The following ZNF483 variants were observed in gnomAD, a reference collection of about 807,000 sequenced individuals.
ZNF483 encodes zinc finger protein HIT-10.
Under a neutral mutation model 28.6 loss-of-function variants are expected in ZNF483, and 9 were observed. The observed-to-expected ratio is 0.32, with a 90% CI of 0.19 to 0.55. The LOEUF is 0.55. Among genes scored for constraint, ZNF483 ranks in the 20% least tolerant of loss-of-function variants. ZNF483 has a pLI of 0.93. For synonymous variants in ZNF483, 322 were observed against 306.2 expected (o/e 1.05, Z -0.54); for missense variants, 675 against 871.7 (o/e 0.77, Z 2.84).
In ZNF483 at chr9:111,532,930, A is replaced by G. The variant is rs1827386794; in HGVS notation, c.502-809A>G. Among the ~76,000 whole-genome samples the G allele has an allele frequency of 3.3e-5, 5 of 152,228 alleles. No individual in the cohort carries two copies. The South Asian group carries it at 1.0e-3, about 32-fold the overall frequency. ...TCTCAAAAAAAAAAAAAGAAAAAAAAGGAAAGTGTATTTTAGTGAGTCAGT... is the reference window on the plus strand; with the variant it reads ...TCTCAAAAAAAAAAAAAGAAAAAAAGGGAAAGTGTATTTTAGTGAGTCAGT... On this transcript the variant is annotated intron_variant, in intron 3 of 5. Transcript: ENST00000309235.
At chr9:111,555,848 T>C (rs1828106367), downstream of ZNF483, among the ~76,000 whole-genome samples, 1 of 152,206 alleles carries the variant, frequency 6.6e-6, no homozygotes, top group Admixed American at 6.5e-5. Context: ...AGCCAAACTA[T>C]ATCATTCCAC....
intron 5 of ZNF483, among the ~76,000 whole-genome samples, chr9:111,535,651 C>G (rs1241777907): frequency 6.6e-6 from 1 of 152,054 alleles, no homozygotes; most frequent in South Asian, 2.1e-4. Context: ...TCAAGTGATT[C>G]TCTTGCCTCG....
chr9:111,540,335 AT>A (rs1285997808), intron 5 of ZNF483, among the ~76,000 whole-genome samples: 2 of 152,138 alleles, frequency 1.3e-5, no homozygotes, highest in African/African-American at 4.8e-5. Flanking sequence ...ATTTTGAGTA[AT>A]TTTGTATTTT....
chr9:111,527,833 A>G (rs1564589691), intron 2 of ZNF483, 26 bp downstream of exon 2: 2 of 1,614,126 alleles, frequency 1.2e-6, no homozygotes, highest in Non-Finnish European at 8.5e-7. Flanking sequence ...GGAGGGAGGA[A>G]GCGGGAGACA....
downstream of ZNF483, among the ~76,000 whole-genome samples, chr9:111,558,330 G>A (rs905431978): frequency 1.3e-5 from 2 of 152,076 alleles, no homozygotes; most frequent in Non-Finnish European, 2.9e-5. Flanking sequence ...CAAATTGGCT[G>A]TGTTCTTTCA....
rs11367090 is a variant in ZNF483 at position 111,539,112 on chromosome 9, CAAAAAAAAA to C, written c.722-2527_722-2519del. Among the ~76,000 whole-genome samples, 9 of 64,908 alleles carry C rather than the reference CAAAAAAAAA, an allele frequency of 1.4e-4. No individual in the cohort carries two copies. In the East Asian group the frequency reaches 3.5e-3, roughly 25 times the overall value. The allele number at this position is 64,908 out of a possible 152,430, so 42.6% of individuals were successfully genotyped here. A position where few individuals can be genotyped will look rare whatever the true frequency, so the allele number is the denominator to read the frequency against. On this transcript the variant is annotated intron_variant, in intron 5 of 5. Coordinates refer to ENST00000309235, the MANE Select transcript of ZNF483 (RefSeq NM_133464.5). ...TGGGTGACAGAGCGAGACTCCGTCTCAAAAAAAAAAAAAAAAAAAAAAAAAACCTCATTC... is the reference window on the plus strand; with the variant it reads ...TGGGTGACAGAGCGAGACTCCGTCTCAAAAAAAAAAAAAAAAACCTCATTC...
At chr9:111,560,251 C>G (rs1354227913), downstream of ZNF483, among the ~76,000 whole-genome samples, 1 of 151,262 alleles carries the variant, frequency 6.6e-6, no homozygotes. Flanking sequence ...GAGGCCAAGG[C>G]GGGTGGATCA....
At chr9:111,527,841 A>G (rs769921599) in intron 2 of ZNF483, 34 bp downstream of exon 2, 3 of 1,614,006 alleles carry the variant, frequency 1.9e-6, no homozygotes, top group Non-Finnish European at 2.5e-6. Flanking sequence ...GAAGCGGGAG[A>G]CATTGCCTCA....
intron 5 of ZNF483, among the ~76,000 whole-genome samples, chr9:111,572,756 C>CAAAAAAAAAAAAAAAAAAAAA (rs58101079): frequency 3.1e-5 from 2 of 63,510 alleles, no homozygotes; most frequent in African/African-American, 7.7e-5. Flanking sequence ...GACCCTGTCT[C>CAAAAAAAAAAAAAAAAAAAAA]AAAAAAAAAA....
chr9:111,542,117 G>A lies in ZNF483; in HGVS notation c.1182G>A (p.Lys394=), dbSNP rs1214929901. Residue 394 remains lysine, a synonymous_variant, in exon 6 of 6, where the codon AAG becomes AAA. Transcript: ENST00000309235. This position sits in a 1 kb window ranked among gnomAD's most constrained non-coding sequence, Gnocchi z 6.2. The part of the protein sequence containing the change: ...HLGDRSQKCS[K]CGIIFIRRST... ...GGGATAGGTCCCAAAAATGCAGTAA[G>A]TGTGGGATAATCTTTATTAGAAGAT... The A allele has an allele frequency of 1.2e-6, 2 of 1,613,992 alleles. No individual in the cohort carries two copies. The highest frequency in any genetic ancestry group is 1.7e-6 in the Non-Finnish European group (2 of 1,180,048).
rs750413349 is a variant in ZNF483 at position 111,545,876 on chromosome 9, C to T, written c.*2706C>T. 6.6e-6 allele frequency among the ~76,000 whole-genome samples: 1 copy of T among 152,154 alleles called. No homozygotes were observed. The highest frequency in any genetic ancestry group is 1.5e-5 in the Non-Finnish European group (1 of 68,022). On this transcript the variant is annotated 3_prime_UTR_variant, in exon 6 of 6. Transcript: ENST00000309235. ...TGCAAGTGTTTTGAACGTTAGTGTA[C>T]AAGTCTTTGTGTGGACATGTTTTCA... is the stretch of plus-strand genomic sequence containing the variant.
intron 2 of ZNF483, among the ~76,000 whole-genome samples, chr9:111,529,033 A>G (rs1023160518): frequency 6.6e-6 from 1 of 151,604 alleles, no homozygotes; most frequent in Non-Finnish European, 1.5e-5. Context: ...AATCCCAGCT[A>G]CTCTGGAGGC....
In ZNF483 at chr9:111,546,533, C is replaced by T. The variant is rs150499396; in HGVS notation, c.*3363C>T. Among the ~76,000 whole-genome samples the T allele has an allele frequency of 6.6e-6, 1 of 152,288 alleles. No homozygotes were observed. Among genetic ancestry groups the T allele is most frequent in the Non-Finnish European group, 1.5e-5 (1 of 68,008 alleles). ...TGCTTTTATGAAGAGCACTGTGACA[C>T]ATTTTACTTTAAAATGAAGTCCTTG... On this transcript the variant is annotated 3_prime_UTR_variant, in exon 6 of 6. Coordinates refer to ENST00000309235, the MANE Select transcript of ZNF483 (RefSeq NM_133464.5).
chr9:111,574,523 A>AT, intron 5 of ZNF483: 1 of 314,504 alleles, frequency 3.2e-6, no homozygotes. Flanking sequence ...TTATTTTTGT[A>AT]TTTTTTGTAG....
exon 6 of ZNF483, chr9:111,576,537 T>TG: frequency 1.5e-6 from 2 of 1,333,858 alleles, no homozygotes; most frequent in East Asian, 2.3e-5. Context: ...ATCCCAACTC[T>TG]GGGGGTATTA....
Position 111,541,880 on chromosome 9 carries a change from A to G in ZNF483, c.945A>G (p.Ser315=). Reference sequence around the variant, plus strand: ...TTGGACATAATTTCAAAGAAACTTCAGACTTAATTAAACATCTGAGAGTCT... The same window carrying G: ...TTGGACATAATTTCAAAGAAACTTCGGACTTAATTAAACATCTGAGAGTCT... ...SPFGHNFKET[S]DLIKHLRVYL... The change falls in exon 6 of 6, where the codon TCA becomes TCG. Residue 315 remains serine (S), a synonymous_variant. Transcript: ENST00000309235. 6.2e-7 allele frequency: 1 copy of G among 1,614,018 alleles called. No homozygotes were observed. Among genetic ancestry groups the G allele is most frequent in the East Asian group, 2.2e-5 (1 of 44,880 alleles).
chr9:111,544,652 G>A lies in ZNF483; in HGVS notation c.*1482G>A, dbSNP rs1203950219. Reference sequence around the variant, plus strand: ...AAAATCTAAAGAGACTGCACTGATAGCAAGTAAAGTTCAGGGAATGAATGT... The same window carrying A: ...AAAATCTAAAGAGACTGCACTGATAACAAGTAAAGTTCAGGGAATGAATGT... On this transcript the variant is annotated 3_prime_UTR_variant, in exon 6 of 6. Transcript: ENST00000309235. Among the ~76,000 whole-genome samples, 1 of 152,094 alleles carries A rather than the reference G, an allele frequency of 6.6e-6. No individual in the cohort carries two copies. Among genetic ancestry groups the A allele is most frequent in the African/African-American group, 2.4e-5 (1 of 41,402 alleles).
intron 5 of ZNF483, among the ~76,000 whole-genome samples, chr9:111,565,413 C>A (rs1181150863): frequency 1.3e-5 from 2 of 152,188 alleles, no homozygotes; most frequent in African/African-American, 4.8e-5. Flanking sequence ...CAAACTAATA[C>A]AAATACTAAT....
rs1043738838 is a variant in ZNF483 at position 111,552,868 on chromosome 9, C to T, written c.*9698C>T. Among the ~76,000 whole-genome samples, 7 of 152,072 alleles carry T rather than the reference C, an allele frequency of 4.6e-5. No homozygotes were observed. Among genetic ancestry groups the T allele is most frequent in the Admixed American group, 4.6e-4 (7 of 15,266 alleles). ...CAAGAGCAAAATTGTTTAATGGTTT[C>T]ATTGACGTTTTCAGTTTTCATGAAT... is the stretch of plus-strand genomic sequence containing the variant. On this transcript the variant is annotated 3_prime_UTR_variant, in exon 6 of 6. Coordinates refer to ENST00000309235, the MANE Select transcript of ZNF483 (RefSeq NM_133464.5).
Sources: allele counts gnomAD v4.1 joint callset (sites outside exome capture counted in the v4.1 genomes callset), GRCh38; gene constraint gnomAD v4.1.1; non-coding constraint Gnocchi (gnomAD v3.1); transcripts MANE v1.5; gene names NCBI Gene and HGNC (gene_info 2026-07-23, HGNC 2026-07-21).